KATNAL2: variants seen among roughly 807,000 people sequenced by gnomAD.
KATNAL2 encodes katanin catalytic subunit A1 like 2.
A neutral mutation model predicts 76.3 loss-of-function variants in KATNAL2; 52 were observed. The ratio of observed to expected loss-of-function variants is 0.68; its 90% confidence interval spans 0.55 to 0.86. The LOEUF (loss-of-function observed/expected upper bound fraction) is 0.86. Among genes scored for constraint, KATNAL2 ranks in the 40% least tolerant of loss-of-function variants. The probability of loss-of-function intolerance (pLI) is 0.00; values close to 1 mark genes in which losing one functional copy is unlikely to be tolerated. For synonymous variants in KATNAL2, 243 were observed against 244.2 expected (o/e 1.00, Z 0.05); for missense variants, 660 against 668.9 (o/e 0.99, Z 0.15).
chr18:46,941,038 C>CA (rs1383231058), intron 1 of KATNAL2, among the ~76,000 whole-genome samples: 1 of 152,002 alleles, frequency 6.6e-6, no homozygotes, highest in East Asian at 1.9e-4. Context: ...AACAAACAAA[C>CA]AAAAAAACTT....
chr18:47,063,343 G>A lies in KATNAL2; in HGVS notation c.708G>A (p.Leu236=), dbSNP rs2061693444. The part of the protein sequence containing the change: ...FIGMNSEMRE[L]AAVVSRDIYL... The stretch of plus-strand genomic sequence containing the variant: ...GCATGAACAGTGAGATGCGAGAATT[G>A]GCAGCCGTGGTGAGCCGGGTAAGAT... Residue 236 remains leucine (L), a synonymous_variant, in exon 10 of 18, where the codon TTG becomes TTA. Coordinates refer to ENST00000683218, the MANE Select transcript of KATNAL2 (RefSeq NM_001387690.1). 2.5e-6 allele frequency: 4 copies of A among 1,613,916 alleles called. No homozygotes were observed. Among genetic ancestry groups the A allele is most frequent in the East Asian group, 2.2e-5 (1 of 44,886 alleles).
intron 1 of KATNAL2, among the ~76,000 whole-genome samples, chr18:46,926,616 C>T (rs1184422986): frequency 6.6e-6 from 1 of 152,258 alleles, no homozygotes; most frequent in East Asian, 1.9e-4. Context: ...TGGTGCAGAG[C>T]TGAGTTCAAT....
At chr18:47,070,291 G>A (rs2061954522) in intron 13 of KATNAL2, among the ~76,000 whole-genome samples, 1 of 151,800 alleles carries the variant, frequency 6.6e-6, no homozygotes, top group African/African-American at 2.4e-5. Flanking sequence ...GTAAAAAAAA[G>A]GGTTTCATCA....
At chr18:46,954,014 G>T (rs1375199570) in intron 3 of KATNAL2, among the ~76,000 whole-genome samples, 1 of 152,062 alleles carries the variant, frequency 6.6e-6, no homozygotes, top group African/African-American at 2.4e-5. Context: ...AAGACTTTGT[G>T]GGGGTGAAAG....
chr18:46,923,022 T>TC (rs1408852668), intron 1 of KATNAL2, among the ~76,000 whole-genome samples: 3 of 149,842 alleles, frequency 2.0e-5, no homozygotes, highest in African/African-American at 7.3e-5. Context: ...ACAGAACTTT[T>TC]TTTTTTTAGA....
chr18:47,054,303 G>C, intron 5 of KATNAL2, 93 bp from the exon 6 acceptor site: 1 of 1,138,466 alleles, frequency 8.8e-7, no homozygotes, highest in Non-Finnish European at 1.3e-6. Flanking sequence ...CAAATTTTAA[G>C]AACAATGCAA....
At chr18:47,100,149 T>C in intron 16 of KATNAL2, 105 bp from the exon 17 acceptor site, 4 of 733,420 alleles carry the variant, frequency 5.5e-6, no homozygotes, top group Non-Finnish European at 9.5e-6. Context: ...GGGTGACAGA[T>C]ACAGAATCTA....
intron 3 of KATNAL2, chr18:47,034,836 GTGAGGTCTCTGT>G (rs773570774): frequency 6.2e-7 from 1 of 1,612,054 alleles, no homozygotes; most frequent in African/African-American, 1.3e-5. Context: ...GAGACCTCGG[GTGAGGTCTCTGT>G]TGCCCCGGAG....
At chr18:46,948,742 A>G (rs1269896766) in intron 3 of KATNAL2, among the ~76,000 whole-genome samples, 1 of 151,848 alleles carries the variant, frequency 6.6e-6, no homozygotes, top group Non-Finnish European at 1.5e-5. Context: ...TTCTAATACT[A>G]TCTATATACC....
At chr18:46,948,888 TTGTGTGTGTGTGTG>T (rs71264810) in intron 3 of KATNAL2, among the ~76,000 whole-genome samples, 67 of 145,888 alleles carry the variant, frequency 4.6e-4, no homozygotes, top group African/African-American at 1.1e-3. Flanking sequence ...AGTATCTGCA[TTGTGTGTGTGTGTG>T]TGTGTGTGTG....
chr18:47,061,808 C>T (rs1353721605), intron 8 of KATNAL2, among the ~76,000 whole-genome samples: 1 of 152,046 alleles, frequency 6.6e-6, no homozygotes, highest in Non-Finnish European at 1.5e-5. Context: ...GAAAGGAGAG[C>T]CTTGGTGCAG....
chr18:47,055,415 G>A (rs994670982), intron 6 of KATNAL2, among the ~76,000 whole-genome samples: 1 of 152,094 alleles, frequency 6.6e-6, no homozygotes, highest in South Asian at 2.1e-4. Context: ...TTATGCCTCC[G>A]CTACATTTCC....
intron 5 of KATNAL2, 101 bp downstream of exon 5, chr18:47,053,147 C>CTTTGGTGCAGGGTG: frequency 2.0e-6 from 2 of 980,318 alleles, no homozygotes; most frequent in Non-Finnish European, 3.0e-6. Context: ...CACCCTGCAC[C>CTTTGGTGCAGGGTG]AAAGGAGTAG....
intron 15 of KATNAL2, among the ~76,000 whole-genome samples, chr18:47,081,096 C>T (rs1298906302): frequency 1.3e-5 from 2 of 150,924 alleles, no homozygotes; most frequent in Non-Finnish European, 3.0e-5. Flanking sequence ...CCCTCCATCA[C>T]TTTATCCCTC....
chr18:46,936,579 A>C (rs1025457891), intron 1 of KATNAL2, among the ~76,000 whole-genome samples: 2 of 152,188 alleles, frequency 1.3e-5, no homozygotes, highest in Non-Finnish European at 2.9e-5. Context: ...ATCTCAAATG[A>C]ATAATCTAGG....
At chr18:47,035,796 C>G (rs574096401) in intron 3 of KATNAL2, among the ~76,000 whole-genome samples, 13 of 152,216 alleles carry the variant, frequency 8.5e-5, no homozygotes, top group Non-Finnish European at 4.4e-5. Flanking sequence ...GGTTCCACAT[C>G]TGTGAATTCC....
intron 1 of KATNAL2, among the ~76,000 whole-genome samples, chr18:46,924,927 G>A (rs1232049413): frequency 6.6e-6 from 1 of 152,178 alleles, no homozygotes; most frequent in Non-Finnish European, 1.5e-5. Flanking sequence ...TTTGTACATT[G>A]ATTTTGTATC....
chr18:47,037,980 C>T (rs955957095), intron 3 of KATNAL2, among the ~76,000 whole-genome samples: 3 of 151,982 alleles, frequency 2.0e-5, no homozygotes, highest in Non-Finnish European at 2.9e-5. Flanking sequence ...CCACAGTGCC[C>T]GACCATGAAA....
At chr18:47,033,093 C>T (rs2060558266) in intron 3 of KATNAL2, 2 of 1,614,032 alleles carry the variant, frequency 1.2e-6, no homozygotes, top group East Asian at 2.2e-5. Flanking sequence ...GGGTTTTGGC[C>T]GCGGGCGCCG....
Sources: allele counts gnomAD v4.1 joint callset (sites outside exome capture counted in the v4.1 genomes callset), GRCh38; gene constraint gnomAD v4.1.1; transcripts MANE v1.5; gene names NCBI Gene and HGNC (gene_info 2026-07-23, HGNC 2026-07-21).